Variants in MAD1L1 observed in about 807,000 individuals in gnomAD.
MAD1L1 encodes the protein mitotic arrest deficient 1 like 1, also known as mitotic spindle assembly checkpoint protein MAD1.
In MAD1L1, 95 loss-of-function variants were observed where a neutral mutation model predicts 96.9. The ratio of observed to expected loss-of-function variants is 0.98; its 90% CI spans 0.83 to 1.16. MAD1L1 has a LOEUF of 1.16. Among genes scored for constraint, MAD1L1 ranks in the 50% most tolerant of loss-of-function variants. The pLI, the probability that MAD1L1 is intolerant of heterozygous loss-of-function variation, is 0.00. For missense variants in MAD1L1, 1,007 were observed against 954.4 expected (o/e 1.06, Z -0.73); for synonymous variants, 473 against 396.6 (o/e 1.19, Z -2.29).
At chr7:2,150,102 C>T (rs1468506773) in intron 10 of MAD1L1, among the ~76,000 whole-genome samples, 1 of 152,216 alleles carries the variant, frequency 6.6e-6, no homozygotes, top group Non-Finnish European at 1.5e-5. Flanking sequence ...CCCAGCCCCA[C>T]TCAGGGAGCC....
chr7:1,925,492 T>C (rs1451445764), intron 17 of MAD1L1, among the ~76,000 whole-genome samples: 1 of 152,202 alleles, frequency 6.6e-6, no homozygotes, highest in African/African-American at 2.4e-5. Flanking sequence ...AGGGCTTTCC[T>C]GAGGCGCCAT....
At chr7:2,147,404 C>T (rs981348954) in intron 11 of MAD1L1, among the ~76,000 whole-genome samples, 4 of 152,222 alleles carry the variant, frequency 2.6e-5, no homozygotes, top group African/African-American at 9.6e-5. Flanking sequence ...GCTAAAGAAG[C>T]CCACACAGGG....
intron 18 of MAD1L1, among the ~76,000 whole-genome samples, chr7:1,866,140 G>T (rs1784769827): frequency 6.6e-6 from 1 of 152,238 alleles, no homozygotes; most frequent in African/African-American, 2.4e-5. Flanking sequence ...GCTGGTTGGT[G>T]GGAGGGGGGC....
At chr7:1,908,979 C>T (rs1282822399) in intron 17 of MAD1L1, among the ~76,000 whole-genome samples, 1 of 152,214 alleles carries the variant, frequency 6.6e-6, no homozygotes, top group African/African-American at 2.4e-5. Context: ...AGGCTGCCAG[C>T]ATTGGCATCT....
intron 18 of MAD1L1, among the ~76,000 whole-genome samples, chr7:1,823,343 T>A (rs1368793437): frequency 6.6e-6 from 1 of 152,174 alleles, no homozygotes; most frequent in Non-Finnish European, 1.5e-5. Flanking sequence ...GAGGCAGAGC[T>A]CTGACACTCA....
intron 11 of MAD1L1, among the ~76,000 whole-genome samples, chr7:2,123,062 G>T (rs1242603414): frequency 6.6e-6 from 1 of 151,704 alleles, no homozygotes; most frequent in Non-Finnish European, 1.5e-5. Flanking sequence ...CCAGCACTTT[G>T]GGAGGCCAAG....
chr7:2,074,874 T>TGGTGTCAGAGACAGGC (rs1355300536), intron 11 of MAD1L1, among the ~76,000 whole-genome samples: 3 of 152,026 alleles, frequency 2.0e-5, no homozygotes, highest in Non-Finnish European at 4.4e-5. Flanking sequence ...GGACAGCCTG[T>TGGTGTCAGAGACAGGC]GGTGTCAGAG....
At position 1,911,676 on chromosome 7, in the gene MAD1L1, G is replaced by A. The variant is rs757772873; in HGVS notation, c.1808-13286C>T. On this transcript the variant is annotated intron_variant, in intron 17 of 18. Transcript: ENST00000265854. ...TGGGCATCCCAACCCTCTCCAGTCCGGCGTCACCTCCAGAACAGGCCCCTC... is the reference window on the plus strand; with the variant it reads ...TGGGCATCCCAACCCTCTCCAGTCCAGCGTCACCTCCAGAACAGGCCCCTC... 8.6e-5 allele frequency among the ~76,000 whole-genome samples: 13 copies of A among 151,758 alleles called. 1 individual carries two copies. The highest frequency in any genetic ancestry group is 2.0e-4 in the Admixed American group (3 of 15,252).
At chr7:2,040,646 G>A (rs1449035085) in intron 12 of MAD1L1, among the ~76,000 whole-genome samples, 10 of 152,234 alleles carry the variant, frequency 6.6e-5, no homozygotes, top group East Asian at 5.8e-4. Context: ...GGGGAGCGTC[G>A]GCATTTTGGG....
chr7:1,970,202 G>A (rs1642113062), intron 15 of MAD1L1, among the ~76,000 whole-genome samples: 1 of 152,156 alleles, frequency 6.6e-6, no homozygotes, highest in Admixed American at 6.5e-5. Flanking sequence ...TGGGTGAATG[G>A]AAAGGGGGAC....
intron 15 of MAD1L1, among the ~76,000 whole-genome samples, chr7:1,973,309 G>C (rs941610995): frequency 2.6e-5 from 4 of 152,190 alleles, no homozygotes; most frequent in African/African-American, 9.7e-5. Context: ...TGTACATCTA[G>C]GAGTGCCAGA....
intron 11 of MAD1L1, among the ~76,000 whole-genome samples, chr7:2,074,945 A>G (rs1785305746): frequency 6.6e-6 from 1 of 152,200 alleles, no homozygotes; most frequent in Admixed American, 6.5e-5. Context: ...ATTCGTGGTC[A>G]GCCCAGTGGG....
rs764171654 is a variant in MAD1L1 at position 1,994,246 on chromosome 7, G to A, written c.1416+7819C>T. Reference sequence around the variant, plus strand: ...GCCACACCCAGGGCAGCACAGGGACGATGGTGGCGGTGATGGTGAAGGTGC... The same window carrying A: ...GCCACACCCAGGGCAGCACAGGGACAATGGTGGCGGTGATGGTGAAGGTGC... On this transcript the variant is annotated intron_variant, in intron 14 of 18. Coordinates refer to ENST00000265854, the MANE Select transcript of MAD1L1 (RefSeq NM_001013836.2). 2.6e-5 allele frequency among the ~76,000 whole-genome samples: 4 copies of A among 152,222 alleles called. No homozygotes were observed. In the South Asian group the frequency reaches 6.2e-4, roughly 24 times the overall value.
intron 11 of MAD1L1, among the ~76,000 whole-genome samples, chr7:2,069,680 G>A (rs556340335): frequency 3.9e-5 from 6 of 152,212 alleles, no homozygotes; most frequent in East Asian, 3.9e-4. Flanking sequence ...CTGAATCACC[G>A]CAGATGTGCA....
chr7:2,071,592 C>T (rs1251493283), intron 11 of MAD1L1, among the ~76,000 whole-genome samples: 3 of 152,196 alleles, frequency 2.0e-5, no homozygotes, highest in East Asian at 1.9e-4. Context: ...AGATCGAGGC[C>T]GGACTAGAGG....
At chr7:1,980,218 C>A (rs1780831180) in intron 15 of MAD1L1, among the ~76,000 whole-genome samples, 1 of 152,040 alleles carries the variant, frequency 6.6e-6, no homozygotes, top group Non-Finnish European at 1.5e-5. Flanking sequence ...CTGAGCATGT[C>A]CACTTCCTTC....
In MAD1L1 at chr7:2,196,356, G is replaced by A. The variant is rs569524736; in HGVS notation, c.986+16856C>T. Among the ~76,000 whole-genome samples, 39 of 152,346 alleles carry A rather than the reference G, an allele frequency of 2.6e-4. No individual in the cohort carries two copies. The South Asian group carries it at 8.1e-3, about 32-fold the overall frequency. The stretch of plus-strand genomic sequence containing the variant: ...CTCTAGAAACTCTTGTAAGCCACCT[G>A]TTTCCAAACCAGGGAAAACGTCTGG... On this transcript the variant is annotated intron_variant, in intron 10 of 18. Coordinates refer to ENST00000265854, the MANE Select transcript of MAD1L1 (RefSeq NM_001013836.2).
intron 18 of MAD1L1, among the ~76,000 whole-genome samples, chr7:1,897,101 C>T (rs908431695): frequency 6.6e-6 from 1 of 151,340 alleles, no homozygotes; most frequent in Non-Finnish European, 1.5e-5. Context: ...CGGCACGGTG[C>T]CCCCGTGCAG....
intron 17 of MAD1L1, among the ~76,000 whole-genome samples, chr7:1,910,731 G>A (rs1307822863): frequency 6.6e-6 from 1 of 152,212 alleles, no homozygotes; most frequent in Non-Finnish European, 1.5e-5. Context: ...CTCGGGCTTT[G>A]AGTAGGTGCC....
Sources: allele counts gnomAD v4.1 joint callset (sites outside exome capture counted in the v4.1 genomes callset), GRCh38; gene constraint gnomAD v4.1.1; transcripts MANE v1.5; gene names NCBI Gene and HGNC (gene_info 2026-07-23, HGNC 2026-07-21).